Variants in HPSE2 observed in about 807,000 individuals in gnomAD.
The protein encoded by HPSE2 is heparanase 2 (inactive), also known as inactive heparanase-2.
HPSE2 carries 38 observed loss-of-function variants against 60.5 expected under a neutral mutation model. The ratio of observed to expected loss-of-function variants is 0.63; its 90% CI spans 0.48 to 0.82. The LOEUF (loss-of-function observed/expected upper bound fraction) is 0.82. HPSE2 is among the 40% of genes least tolerant of loss of function. The pLI is 0.00. For missense variants in HPSE2, 713 were observed against 740.4 expected, an observed-to-expected ratio of 0.96 and a Z score of 0.43; for synonymous variants, 295 against 293.2, an observed-to-expected ratio of 1.01 and a Z score of -0.06.
chr10:99,113,509 G>A (rs7079399), intron 3 of HPSE2, among the ~76,000 whole-genome samples: 7,073 of 151,658 alleles, frequency 0.047, 558 homozygotes, highest in African/African-American at 0.16. Flanking sequence ...CACCTACTGC[G>A]GTAATATATA....
At chr10:99,263,983 T>C in the HPSE2 span, among the ~76,000 whole-genome samples, 2 of 152,154 alleles carry the variant, frequency 1.3e-5, no homozygotes, top group African/African-American at 4.8e-5. Context: ...TACTCACTCT[T>C]ATTCTCGTTC....
chr10:99,141,328 G>C (rs755322902), intron 3 of HPSE2, among the ~76,000 whole-genome samples: 5 of 152,044 alleles, frequency 3.3e-5, no homozygotes, highest in Non-Finnish European at 5.9e-5. Flanking sequence ...ATTTAAAACA[G>C]TTCCATCACT....
chr10:98,700,061 T>C (rs999082423), intron 5 of HPSE2, among the ~76,000 whole-genome samples: 98 of 151,632 alleles, frequency 6.5e-4, no homozygotes, highest in African/African-American at 2.2e-3. Flanking sequence ...AAAATGGCCA[T>C]ACTGCCCAAG....
chr10:98,504,002 T>C (rs1000283881), intron 9 of HPSE2, among the ~76,000 whole-genome samples: 1 of 152,140 alleles, frequency 6.6e-6, no homozygotes, highest in Non-Finnish European at 1.5e-5. Context: ...CCCCAATAAC[T>C]TATGGGAAAA....
chr10:99,131,823 A>G (rs930779607), intron 3 of HPSE2, among the ~76,000 whole-genome samples: 45 of 152,188 alleles, frequency 3.0e-4, no homozygotes, highest in African/African-American at 9.9e-4. Flanking sequence ...CAGAAATCAC[A>G]ACTAAAGGCC....
At chr10:98,638,904 G>C (rs922846158) in intron 7 of HPSE2, among the ~76,000 whole-genome samples, 1 of 152,162 alleles carries the variant, frequency 6.6e-6, no homozygotes, top group Non-Finnish European at 1.5e-5. Flanking sequence ...ATGACTTAAA[G>C]CCTACTAAAT....
intron 4 of HPSE2, among the ~76,000 whole-genome samples, chr10:98,724,230 G>C (rs1949008169): frequency 6.6e-6 from 1 of 152,170 alleles, no homozygotes; most frequent in African/African-American, 2.4e-5. Flanking sequence ...GTACCCAGTA[G>C]TCATTCAGGA....
intron 3 of HPSE2, among the ~76,000 whole-genome samples, chr10:99,059,423 C>A (rs193052512): frequency 3.3e-5 from 5 of 152,230 alleles, no homozygotes; most frequent in Admixed American, 2.6e-4. Flanking sequence ...TTCAAAAATT[C>A]TCTACTTGCC....
At chr10:99,020,383 C>G (rs1196037473) in intron 3 of HPSE2, among the ~76,000 whole-genome samples, 2 of 152,118 alleles carry the variant, frequency 1.3e-5, no homozygotes, top group East Asian at 3.9e-4. Context: ...GGTGAAGTGA[C>G]TTTCTAAGGT....
the HPSE2 span, among the ~76,000 whole-genome samples, chr10:99,267,793 AAAAC>A: frequency 5.9e-5 from 9 of 151,908 alleles, no homozygotes; most frequent in East Asian, 1.9e-4. Context: ...AAAAAAACAA[AAAAC>A]AAACAAAAAA....
intron 6 of HPSE2, among the ~76,000 whole-genome samples, chr10:98,644,993 G>A (rs1946730471): frequency 6.6e-6 from 1 of 152,118 alleles, no homozygotes; most frequent in Non-Finnish European, 1.5e-5. Flanking sequence ...GGCAAGAAAT[G>A]ATCTGGGTCT....
intron 3 of HPSE2, among the ~76,000 whole-genome samples, chr10:99,119,365 C>T (rs1456989127): frequency 6.6e-6 from 1 of 152,038 alleles, no homozygotes; most frequent in East Asian, 1.9e-4. Context: ...GAATAAAATA[C>T]CTAGGAATAC....
At chr10:98,850,736 C>CAAAAAAAAAA (rs11345838) in intron 3 of HPSE2, among the ~76,000 whole-genome samples, 1 of 71,894 alleles carries the variant, frequency 1.4e-5, no homozygotes, top group Non-Finnish European at 2.6e-5. Context: ...GACTCCATCT[C>CAAAAAAAAAA]AAAAAAAAAA....
intron 3 of HPSE2, among the ~76,000 whole-genome samples, chr10:98,857,979 G>A (rs967305631): frequency 6.6e-6 from 1 of 152,186 alleles, no homozygotes; most frequent in East Asian, 1.9e-4. Flanking sequence ...ACTGGTCTTA[G>A]AGGCAAATAA....
chr10:98,974,618 T>G (rs1956041704), intron 3 of HPSE2, among the ~76,000 whole-genome samples: 1 of 152,200 alleles, frequency 6.6e-6, no homozygotes, highest in Admixed American at 6.5e-5. Context: ...CTACAGCAAC[T>G]TTATAGACAA....
intron 9 of HPSE2, among the ~76,000 whole-genome samples, chr10:98,596,977 T>C (rs1945256205): frequency 6.6e-6 from 1 of 152,036 alleles, no homozygotes; most frequent in South Asian, 2.1e-4. Flanking sequence ...CTCAGAAAAC[T>C]TACAATATGG....
the HPSE2 span, among the ~76,000 whole-genome samples, chr10:99,260,912 C>T: frequency 6.6e-6 from 1 of 152,204 alleles, no homozygotes; most frequent in Non-Finnish European, 1.5e-5. Context: ...CTTCAACTCA[C>T]ACCTGACCTA....
At chr10:98,994,478 A>C (rs937537761) in intron 3 of HPSE2, among the ~76,000 whole-genome samples, 1 of 151,864 alleles carries the variant, frequency 6.6e-6, no homozygotes, top group Admixed American at 6.6e-5. Context: ...ACCCTTCCCA[A>C]ACAGGCATCA....
rs180698075 is a variant in HPSE2 at position 99,068,629 on chromosome 10, G to A, written c.610+75609C>T. Among the ~76,000 whole-genome samples, 8 of 152,124 alleles carry A rather than the reference G, an allele frequency of 5.3e-5. No homozygotes were observed. In the East Asian group the frequency reaches 7.7e-4, roughly 15 times the overall value. On this transcript the variant is annotated intron_variant, in intron 3 of 11. Coordinates refer to ENST00000370552, the MANE Select transcript of HPSE2 (RefSeq NM_021828.5). ...TGTAGGGATACAGCTGAACCATATC[G>A]AGAGTGCAAATCAATTAAATGGACA...
Sources: gnomAD v4.1 joint callset for allele counts (sites outside exome capture counted in the v4.1 genomes callset) on GRCh38, gnomAD v4.1.1 for gene constraint, MANE v1.5 for transcripts, NCBI Gene and HGNC (gene_info 2026-07-23, HGNC 2026-07-21) for gene names.